The following PTPRK variants were observed in gnomAD, a reference collection of about 807,000 sequenced individuals.
The protein encoded by PTPRK is receptor-type tyrosine-protein phosphatase kappa.
In PTPRK, 75 loss-of-function variants were observed where a neutral mutation model predicts 178.0. The observed-to-expected ratio is 0.42, with a 90% CI of 0.35 to 0.51. The LOEUF (loss-of-function observed/expected upper bound fraction) is 0.51. Ranked by LOEUF, PTPRK falls within the 20% of genes least tolerant of loss-of-function variation. The pLI is 0.02. For missense variants in PTPRK, 1,441 were observed against 1,797.8 expected, an observed-to-expected ratio of 0.80 and a Z score of 3.59; for synonymous variants, 637 against 620.6, an observed-to-expected ratio of 1.03 and a Z score of -0.39.
intron 9 of PTPRK, among the ~76,000 whole-genome samples, chr6:128,082,870 T>C (rs1785069676): frequency 6.6e-6 from 1 of 152,024 alleles, no homozygotes; most frequent in South Asian, 2.1e-4. Flanking sequence ...ACCAAATCAA[T>C]ATACATCTAT....
intron 2 of PTPRK, among the ~76,000 whole-genome samples, chr6:128,360,669 A>G (rs1834612715): frequency 6.6e-6 from 1 of 152,114 alleles, no homozygotes; most frequent in Admixed American, 6.6e-5. Context: ...TCCAGGACCT[A>G]ATGTGTGACT....
intron 18 of PTPRK, 63 bp from the exon 19 acceptor site, chr6:127,992,772 C>G: frequency 7.5e-7 from 1 of 1,332,758 alleles, no homozygotes; most frequent in African/African-American, 1.5e-5. Context: ...TGAATGAAGG[C>G]ATAAAAAGAT....
At chr6:128,481,225 T>C (rs1284426783) in intron 1 of PTPRK, among the ~76,000 whole-genome samples, 1 of 152,196 alleles carries the variant, frequency 6.6e-6, no homozygotes, top group African/African-American at 2.4e-5. Context: ...GTCTTTAATT[T>C]CATTCAGCTG....
intron 1 of PTPRK, among the ~76,000 whole-genome samples, chr6:128,433,344 T>C (rs2128395200): frequency 6.6e-6 from 1 of 152,172 alleles, no homozygotes; most frequent in East Asian, 1.9e-4. Flanking sequence ...GATCAACTTT[T>C]GAAACTCCCA....
chr6:128,069,893 G>A (rs1271572419), intron 11 of PTPRK, among the ~76,000 whole-genome samples: 4 of 152,050 alleles, frequency 2.6e-5, no homozygotes, highest in Admixed American at 6.6e-5. Flanking sequence ...GGAAGAAAAG[G>A]TGCAATAGGC....
intron 24 of PTPRK, 41 bp from the exon 25 acceptor site, chr6:127,981,330 C>G: frequency 6.5e-7 from 1 of 1,549,078 alleles, no homozygotes; most frequent in Non-Finnish European, 8.9e-7. Flanking sequence ...ACAGTGTGAC[C>G]CATTTAACAG....
At chr6:128,422,046 T>A (rs1489803732) in intron 1 of PTPRK, among the ~76,000 whole-genome samples, 1 of 152,220 alleles carries the variant, frequency 6.6e-6, no homozygotes, top group Non-Finnish European at 1.5e-5. Context: ...TTCAGGGAGA[T>A]CCCTCTGCCT....
At chr6:128,073,776 C>A (rs1207104240) in intron 11 of PTPRK, among the ~76,000 whole-genome samples, 2 of 152,070 alleles carry the variant, frequency 1.3e-5, no homozygotes, top group Non-Finnish European at 2.9e-5. Flanking sequence ...AGAGAATAAA[C>A]ATAAAATTAA....
At chr6:128,483,511 G>A (rs1313074292) in intron 1 of PTPRK, among the ~76,000 whole-genome samples, 1 of 151,954 alleles carries the variant, frequency 6.6e-6, no homozygotes, top group Admixed American at 6.6e-5. Context: ...CATAGGTAAA[G>A]TGTAGTAATA....
At chr6:128,413,378 A>C (rs1842510773) in intron 1 of PTPRK, among the ~76,000 whole-genome samples, 1 of 152,052 alleles carries the variant, frequency 6.6e-6, no homozygotes. Context: ...ATGATCATTT[A>C]TTTAAAATGA....
chr6:128,445,316 A>C (rs1554265378), intron 1 of PTPRK, among the ~76,000 whole-genome samples: 1 of 138,832 alleles, frequency 7.2e-6, no homozygotes, highest in Non-Finnish European at 1.5e-5. Flanking sequence ...ATAAAATAGC[A>C]TTTATTCTCA....
At chr6:128,206,739 A>G (rs575708858) in intron 6 of PTPRK, among the ~76,000 whole-genome samples, 1 of 152,308 alleles carries the variant, frequency 6.6e-6, no homozygotes, top group African/African-American at 2.4e-5. Context: ...GATAAATTCA[A>G]TTATAATTGC....
At chr6:128,066,021 G>T (rs1781691910) in intron 12 of PTPRK, among the ~76,000 whole-genome samples, 1 of 152,116 alleles carries the variant, frequency 6.6e-6, no homozygotes, top group South Asian at 2.1e-4. Flanking sequence ...AAGCTTTAAA[G>T]AATGCAGAGA....
intron 17 of PTPRK, among the ~76,000 whole-genome samples, chr6:127,996,110 A>G (rs1392155131): frequency 6.6e-6 from 1 of 152,068 alleles, no homozygotes; most frequent in African/African-American, 2.4e-5. Context: ...TTGTCTGATA[A>G]TGACTTTATT....
chr6:128,015,312 T>G (rs1315176719), intron 13 of PTPRK, among the ~76,000 whole-genome samples: 1 of 151,776 alleles, frequency 6.6e-6, no homozygotes, highest in Non-Finnish European at 1.5e-5. Context: ...TGTTTTAATG[T>G]GCATATTAAT....
chr6:128,416,000 C>A (rs1303471551), intron 1 of PTPRK, among the ~76,000 whole-genome samples: 1 of 151,958 alleles, frequency 6.6e-6, no homozygotes, highest in African/African-American at 2.4e-5. Flanking sequence ...GAATTTAATT[C>A]AATAAACATG....
chr6:128,163,237 G>A lies in PTPRK; in HGVS notation c.1162+21195C>T, dbSNP rs930724536. ...GCATGATTAAACCTAAGCTCATGAG[G>A]TTGCTGAATTGAATGCAATAATGGA... On this transcript the variant is annotated intron_variant, in intron 7 of 29. Transcript: ENST00000368226. Among the ~76,000 whole-genome samples, 13 of 151,074 alleles carry A rather than the reference G, an allele frequency of 8.6e-5. No individual in the cohort carries two copies. The South Asian group carries it at 2.1e-3, about 24-fold the overall frequency.
chr6:128,048,336 A>G (rs1239064751), intron 13 of PTPRK, among the ~76,000 whole-genome samples: 1 of 152,106 alleles, frequency 6.6e-6, no homozygotes, highest in Non-Finnish European at 1.5e-5. Context: ...AACTTTGAGA[A>G]GAGCTGATTT....
intron 14 of PTPRK, chr6:128,006,146 C>A (rs983684084): frequency 3.7e-6 from 3 of 817,694 alleles, no homozygotes; most frequent in South Asian, 2.5e-5. Context: ...GAAAAATGTG[C>A]GTTAAAAAAT....
Sources: allele counts gnomAD v4.1 joint callset (sites outside exome capture counted in the v4.1 genomes callset), GRCh38; gene constraint gnomAD v4.1.1; transcripts MANE v1.5; gene names NCBI Gene and HGNC (gene_info 2026-07-23, HGNC 2026-07-21).